PPP4R1: variants seen among roughly 807,000 people sequenced by gnomAD.
PPP4R1 encodes the protein serine/threonine-protein phosphatase 4 regulatory subunit 1.
A neutral mutation model predicts 111.2 loss-of-function variants in PPP4R1; 42 were observed. The ratio of observed to expected loss-of-function variants is 0.38; its 90% CI spans 0.29 to 0.49. The LOEUF is 0.49. Ranked by LOEUF, PPP4R1 falls within the 20% of genes least tolerant of loss-of-function variation. The probability of loss-of-function intolerance (pLI) is 0.97; values close to 1 mark genes in which losing one functional copy is unlikely to be tolerated. For missense variants in PPP4R1, 1,012 were observed against 1,161.6 expected, an observed-to-expected ratio of 0.87 and a Z score of 1.87; for synonymous variants, 409 against 405.5, an observed-to-expected ratio of 1.01 and a Z score of -0.10.
chr18:9,585,469 A>T (rs926108051), intron 6 of PPP4R1, among the ~76,000 whole-genome samples: 1 of 152,218 alleles, frequency 6.6e-6, no homozygotes, highest in Non-Finnish European at 1.5e-5. Flanking sequence ...ATTTAGATAC[A>T]TTGTTCCCAC....
rs2066415928 is a variant in PPP4R1 at position 9,547,307 on chromosome 18, C to A, written c.*482G>T. 6.3e-6 allele frequency: 1 copy of A among 158,958 alleles called. No individual in the cohort carries two copies. Among genetic ancestry groups the A allele is most frequent in the Non-Finnish European group, 1.4e-5 (1 of 71,414 alleles). The allele number at this position is 158,958 out of a possible 1,614,324, so 9.8% of individuals were successfully genotyped here. A position where few individuals can be genotyped will look rare whatever the true frequency, so the allele number is the denominator to read the frequency against. On this transcript the variant is annotated 3_prime_UTR_variant, in exon 20 of 20. Coordinates refer to ENST00000400556, the MANE Select transcript of PPP4R1 (RefSeq NM_001042388.3). Reference sequence around the variant, plus strand: ...ACACAGGGCTGGGCTGGACAGCTGGCCACAGAGCCCAGCAAGTCCTTCCTG... The same window carrying A: ...ACACAGGGCTGGGCTGGACAGCTGGACACAGAGCCCAGCAAGTCCTTCCTG...
intron 2 of PPP4R1, among the ~76,000 whole-genome samples, chr18:9,609,823 G>A (rs1302244583): frequency 6.6e-6 from 1 of 152,056 alleles, no homozygotes; most frequent in Non-Finnish European, 1.5e-5. Flanking sequence ...TTTTAAACTG[G>A]GCCATTTAAG....
chr18:9,581,907 T>C (rs188658206), intron 9 of PPP4R1, among the ~76,000 whole-genome samples: 206 of 152,218 alleles, frequency 1.4e-3, no homozygotes, highest in African/African-American at 4.8e-3. Context: ...AGAAGAGGTC[T>C]GAGGCAGTGG....
intron 4 of PPP4R1, 101 bp from the exon 5 acceptor site, chr18:9,588,954 C>A (rs1370222340): frequency 1.4e-6 from 2 of 1,406,206 alleles, no homozygotes; most frequent in East Asian, 4.6e-5. Context: ...CTTTCATCTT[C>A]AAAATATAAA....
In PPP4R1 at chr18:9,563,390, G is replaced by A. The variant is rs143084130; in HGVS notation, c.1734C>T (p.Ser578=). The change falls in exon 12 of 20, where the codon AGC becomes AGT. Residue 578 remains serine (S), a synonymous_variant. Transcript: ENST00000400556. Reference sequence around the variant, plus strand: ...CTGAGTTTGTTACCTCAACAGCATCGCTGATTAAAGGCACAGAATCTTCTT... The same window carrying A: ...CTGAGTTTGTTACCTCAACAGCATCACTGATTAAAGGCACAGAATCTTCTT... ...INQEDSVPLI[S]DAVENMDSTL... The A allele has an allele frequency of 1.9e-5, 31 of 1,610,970 alleles. No individual in the cohort carries two copies. The highest frequency in any genetic ancestry group is 3.3e-5 in the Admixed American group (2 of 59,734).
chr18:9,581,461 A>G (rs2067027899), intron 9 of PPP4R1, among the ~76,000 whole-genome samples: 1 of 152,186 alleles, frequency 6.6e-6, no homozygotes, highest in Non-Finnish European at 1.5e-5. Flanking sequence ...TCAACAGTAG[A>G]TCTGAACTGG....
intron 5 of PPP4R1, 80 bp from the exon 6 acceptor site, chr18:9,588,315 T>G: frequency 1.4e-6 from 2 of 1,448,278 alleles, no homozygotes; most frequent in Non-Finnish European, 1.9e-6. Context: ...TAAACAAAGA[T>G]TTCTCATCTC....
rs1009163707 is a variant in PPP4R1, at chr18:9,588,142, T to A, written c.532A>T (p.Ile178Leu). 2 of 1,614,180 alleles carry A rather than the reference T, an allele frequency of 1.2e-6. No homozygotes were observed. The highest frequency in any genetic ancestry group is 1.7e-6 in the Non-Finnish European group (2 of 1,180,022). Reference protein sequence around the residue: ...DVETKVCPVLIELTAPDSNDD... With the variant: ...DVETKVCPVLLELTAPDSNDD... ...TTGCTATCTGGGGCTGTCAGCTCTA[T>A]GAGGACAGGGCACACTTTGGTCTCC... Residue 178 changes from isoleucine (I) to leucine (L), a missense_variant, in exon 6 of 20, where the codon ATA becomes TTA. Coordinates refer to ENST00000400556, the MANE Select transcript of PPP4R1 (RefSeq NM_001042388.3).
At chr18:9,549,378 T>C (rs540561477) in intron 18 of PPP4R1, 40 bp from the exon 19 acceptor site, 6 of 1,556,234 alleles carry the variant, frequency 3.9e-6, no homozygotes, top group African/African-American at 2.7e-5. Flanking sequence ...TCTCTGTCAA[T>C]GTAGCCAAAA....
At chr18:9,580,088 TTAATA>T (rs1350806851) in intron 9 of PPP4R1, among the ~76,000 whole-genome samples, 1 of 152,136 alleles carries the variant, frequency 6.6e-6, no homozygotes, top group Admixed American at 6.5e-5. Context: ...AACAAAAACA[TTAATA>T]TAATATCAAG....
chr18:9,576,352 G>A (rs7240277), intron 10 of PPP4R1, among the ~76,000 whole-genome samples: 2,719 of 151,984 alleles, frequency 0.018, 47 homozygotes, highest in Non-Finnish European at 0.028. Flanking sequence ...TACATTTCCC[G>A]CATACTAGTA....
intron 14 of PPP4R1, among the ~76,000 whole-genome samples, chr18:9,557,866 G>A (rs1304446992): frequency 2.0e-5 from 3 of 152,142 alleles, no homozygotes; most frequent in Non-Finnish European, 2.9e-5. Flanking sequence ...GGCTGCACAT[G>A]GACCAAAGGA....
chr18:9,549,969 G>T, intron 18 of PPP4R1, 83 bp downstream of exon 18: 1 of 1,574,780 alleles, frequency 6.4e-7, no homozygotes, highest in Non-Finnish European at 8.7e-7. Context: ...GTAAGGAAGA[G>T]GGTGAGAGAG....
At position 9,550,284 on chromosome 18, in the gene PPP4R1, G is replaced by A; in HGVS notation, c.2406C>T (p.Tyr802=). The change falls in exon 17 of 20, where the codon TAC becomes TAT. Residue 802 remains tyrosine (Y), a synonymous_variant. Transcript: ENST00000400556. ...TTAAAAGTTCAATACATACCAACTT[G>A]TAGGAAATCCAACGAACAGAAGAAA... ...DKVSSVRWIS[Y]KLVSEMVKKL... is the part of the protein sequence containing the mutation. 1 of 1,614,046 alleles carries A rather than the reference G, an allele frequency of 6.2e-7. No individual in the cohort carries two copies. Among genetic ancestry groups the A allele is most frequent in the Non-Finnish European group, 8.5e-7 (1 of 1,179,986 alleles).
intron 9 of PPP4R1, among the ~76,000 whole-genome samples, chr18:9,580,551 C>T (rs1290335664): frequency 3.3e-5 from 5 of 152,098 alleles, no homozygotes; most frequent in African/African-American, 1.2e-4. Flanking sequence ...GGGGTTTCAC[C>T]GTGTTAGCCA....
intron 2 of PPP4R1, among the ~76,000 whole-genome samples, chr18:9,608,234 A>C (rs565887760): frequency 6.6e-6 from 1 of 152,360 alleles, no homozygotes; most frequent in African/African-American, 2.4e-5. Flanking sequence ...AAAATCCATC[A>C]ACATTTTAAA....
chr18:9,596,003 C>A (rs894128822), intron 2 of PPP4R1, among the ~76,000 whole-genome samples: 2 of 152,102 alleles, frequency 1.3e-5, no homozygotes, highest in African/African-American at 4.8e-5. Flanking sequence ...GAAGCCAAAC[C>A]TGACTGAAGA....
In PPP4R1 at chr18:9,550,376, A is replaced by T; in HGVS notation, c.2314T>A (p.Leu772Ile). ...TCATAAACATCTCTGGGACTATATA[A>T]CTCTAGAAGTAAAATCAGCTGTCTA... is the stretch of plus-strand genomic sequence containing the variant. The part of the protein sequence containing the change: ...LAEQLILLLE[L>I]YSPRDVYDYL... The change falls in exon 17 of 20, where the codon TTA becomes ATA. Residue 772 changes from leucine (L) to isoleucine (I), a missense_variant. Leu to Ile is a conservative substitution (Grantham distance 5). Transcript: ENST00000400556. The T allele has an allele frequency of 1.9e-6, 3 of 1,599,318 alleles. No individual in the cohort carries two copies. The highest frequency in any genetic ancestry group is 1.7e-6 in the Non-Finnish European group (2 of 1,169,388).
intron 13 of PPP4R1, among the ~76,000 whole-genome samples, chr18:9,561,772 T>C (rs1241321459): frequency 6.6e-6 from 1 of 152,164 alleles, no homozygotes; most frequent in Non-Finnish European, 1.5e-5. Flanking sequence ...TCACTCTGAA[T>C]GAAGAATGGG....
Sources: gnomAD v4.1 joint callset for allele counts (sites outside exome capture counted in the v4.1 genomes callset) on GRCh38, gnomAD v4.1.1 for gene constraint, MANE v1.5 for transcripts, NCBI Gene and HGNC (gene_info 2026-07-23, HGNC 2026-07-21) for gene names.